The following ANKHD1 variants were observed in gnomAD, a reference collection of about 807,000 sequenced individuals.
ANKHD1 encodes the protein ankyrin repeat and KH domain-containing protein 1.
ANKHD1 carries 31 observed loss-of-function variants against 230.5 expected under a neutral mutation model. The ratio of observed to expected loss-of-function variants is 0.13; its 90% CI spans 0.10 to 0.18. The LOEUF is 0.18. ANKHD1 is among the 10% of genes least tolerant of loss of function. ANKHD1 has a pLI of 1.00. For synonymous variants in ANKHD1, 1,074 were observed against 1,117.6 expected, an observed-to-expected ratio of 0.96 and a Z score of 0.78; for missense variants, 2,256 against 3,071.3, an observed-to-expected ratio of 0.73 and a Z score of 6.27.
intron 14 of ANKHD1, among the ~76,000 whole-genome samples, chr5:140,495,217 A>G (rs1751972643): frequency 6.7e-6 from 1 of 149,362 alleles, no homozygotes; most frequent in South Asian, 2.1e-4. Context: ...ATGAATCAGT[A>G]GTTTGTTCCT....
chr5:140,520,262 TA>T (rs1473007415), intron 24 of ANKHD1, among the ~76,000 whole-genome samples: 2 of 151,990 alleles, frequency 1.3e-5, no homozygotes, highest in Admixed American at 1.3e-4. Flanking sequence ...TGGCGATCAT[TA>T]AAAAGTCAGG....
chr5:140,422,094 G>C (rs1262659266), intron 1 of ANKHD1, among the ~76,000 whole-genome samples: 1 of 152,094 alleles, frequency 6.6e-6, no homozygotes, highest in Non-Finnish European at 1.5e-5. Context: ...AGAGTCCTTG[G>C]TAGTTTAAGA....
intron 29 of ANKHD1, among the ~76,000 whole-genome samples, chr5:140,531,730 C>T (rs1213529454): frequency 1.3e-5 from 2 of 152,116 alleles, no homozygotes; most frequent in South Asian, 2.1e-4. Context: ...TAAGAGTGAT[C>T]ATATGATCCC....
Position 140,415,482 on chromosome 5 carries a change from A to C in ANKHD1, c.306+13209A>C, listed in dbSNP as rs1235243208. Among the ~76,000 whole-genome samples the C allele has an allele frequency of 8.6e-5, 11 of 127,648 alleles. No individual in the cohort carries two copies. The East Asian group carries it at 1.8e-3, about 21-fold the overall frequency. The allele number at this position is 127,648 out of a possible 152,430, so 83.7% of individuals were successfully genotyped here. ...GAGATGGAGTCTTGCTCTGTCGCCC[A>C]GGCTGGAGTACAATGGTGCGATCTC... is the stretch of plus-strand genomic sequence containing the variant. On this transcript the variant is annotated intron_variant, in intron 1 of 33. Coordinates refer to ENST00000360839, the MANE Select transcript of ANKHD1 (RefSeq NM_017747.3).
chr5:140,491,160 A>ATATATATTT (rs1282293062), intron 14 of ANKHD1, among the ~76,000 whole-genome samples: 2 of 45,660 alleles, frequency 4.4e-5, no homozygotes, highest in African/African-American at 9.7e-5. Context: ...ATATATATAT[A>ATATATATTT]TTTTTTTTTT....
At chr5:140,494,566 TGTAG>T (rs1339444576) in intron 14 of ANKHD1, among the ~76,000 whole-genome samples, 1 of 152,190 alleles carries the variant, frequency 6.6e-6, no homozygotes, top group Non-Finnish European at 1.5e-5. Context: ...AAAGACAGTA[TGTAG>T]GTGAAAAACT....
intron 1 of ANKHD1, among the ~76,000 whole-genome samples, chr5:140,406,923 T>G (rs1415140665): frequency 6.6e-6 from 1 of 152,182 alleles, no homozygotes; most frequent in African/African-American, 2.4e-5. Flanking sequence ...AAGCCCTTGA[T>G]TAGAAGAGCT....
At chr5:140,429,133 G>T (rs1421915277) in intron 1 of ANKHD1, among the ~76,000 whole-genome samples, 4 of 133,146 alleles carry the variant, frequency 3.0e-5, no homozygotes, top group African/African-American at 8.6e-5. Flanking sequence ...TCGCTCTGTT[G>T]TCCAGGCTGA....
chr5:140,503,545 T>TTTTC (rs1271408334), intron 15 of ANKHD1, among the ~76,000 whole-genome samples: 13 of 140,552 alleles, frequency 9.2e-5, no homozygotes, highest in East Asian at 4.2e-4. Flanking sequence ...TTTAACTCAG[T>TTTTC]TTTCTTTCTT....
intron 24 of ANKHD1, among the ~76,000 whole-genome samples, chr5:140,514,224 A>T (rs1472362976): frequency 6.9e-6 from 1 of 145,098 alleles, no homozygotes; most frequent in Admixed American, 6.9e-5. Context: ...GACAGATGTC[A>T]TGGCTCATGC....
chr5:140,537,677 C>A (rs888786257), intron 31 of ANKHD1, 88 bp downstream of exon 31: 28 of 1,447,978 alleles, frequency 1.9e-5, no homozygotes, highest in Admixed American at 2.9e-5. Context: ...AAAAAACAAA[C>A]AAAAAAAACT....
intron 29 of ANKHD1, chr5:140,532,738 C>A: frequency 2.7e-6 from 1 of 369,460 alleles, no homozygotes; most frequent in Non-Finnish European, 5.3e-6. Flanking sequence ...AATTAAATCT[C>A]AGTAAAGCTA....
chr5:140,525,854 T>A, intron 25 of ANKHD1, 142 bp from the exon 26 acceptor site: 1 of 1,113,958 alleles, frequency 9.0e-7, no homozygotes, highest in Non-Finnish European at 1.2e-6. Flanking sequence ...AAAAAAAGAT[T>A]TCTTTATTTC....
intron 1 of ANKHD1, among the ~76,000 whole-genome samples, chr5:140,404,930 C>A (rs1770296218): frequency 6.6e-6 from 1 of 151,066 alleles, no homozygotes; most frequent in South Asian, 2.1e-4. Flanking sequence ...CCCCCAAAGT[C>A]ATAAATTTGT....
chr5:140,409,769 G>A (rs1234308819), intron 1 of ANKHD1, among the ~76,000 whole-genome samples: 2 of 151,972 alleles, frequency 1.3e-5, no homozygotes, highest in East Asian at 1.9e-4. Flanking sequence ...ACCCAGGATG[G>A]TCTCGGTCTC....
chr5:140,458,926 T>C (rs1268489353), intron 8 of ANKHD1, 64 bp downstream of exon 8: 15 of 986,356 alleles, frequency 1.5e-5, no homozygotes, highest in Non-Finnish European at 1.4e-6. Context: ...TTAGTACTGG[T>C]GAAGTTTACT....
intron 10 of ANKHD1, among the ~76,000 whole-genome samples, chr5:140,471,508 G>C (rs571031801): frequency 6.6e-6 from 1 of 152,340 alleles, no homozygotes; most frequent in South Asian, 2.1e-4. Flanking sequence ...TCAGGATACT[G>C]TCTTGCTGAA....
chr5:140,454,173 T>C (rs1015658683), intron 7 of ANKHD1, among the ~76,000 whole-genome samples: 3 of 152,188 alleles, frequency 2.0e-5, no homozygotes, highest in Admixed American at 1.3e-4. Flanking sequence ...ATCTTAAATA[T>C]ATATGCACCC....
intron 24 of ANKHD1, among the ~76,000 whole-genome samples, chr5:140,518,127 A>G (rs1753129956): frequency 6.6e-6 from 1 of 152,260 alleles, no homozygotes; most frequent in Non-Finnish European, 1.5e-5. Context: ...TCCTACAGAA[A>G]TACAAACTAC....
Sources: gnomAD v4.1 joint callset for allele counts (sites outside exome capture counted in the v4.1 genomes callset) on GRCh38, gnomAD v4.1.1 for gene constraint, MANE v1.5 for transcripts, NCBI Gene and HGNC (gene_info 2026-07-23, HGNC 2026-07-21) for gene names.